The following NUMB variants were observed in gnomAD, a reference collection of about 807,000 sequenced individuals.
The protein encoded by NUMB is NUMB endocytic adaptor protein, also known as protein numb homolog.
A neutral mutation model predicts 59.7 loss-of-function variants in NUMB; 29 were observed. The ratio of observed to expected loss-of-function variants is 0.49; its 90% confidence interval spans 0.36 to 0.66. The LOEUF is 0.66. Among genes scored for constraint, NUMB ranks in the 30% least tolerant of loss-of-function variants. The pLI, the probability that NUMB is intolerant of heterozygous loss-of-function variation, is 0.00. For synonymous variants in NUMB, 288 were observed against 288.2 expected, an observed-to-expected ratio of 1.00 and a Z score of 0.01; for missense variants, 723 against 822.0, an observed-to-expected ratio of 0.88 and a Z score of 1.47.
chr14:73,288,865 A>T (rs1594865951), intron 8 of NUMB, among the ~76,000 whole-genome samples: 1 of 152,002 alleles, frequency 6.6e-6, no homozygotes, highest in Non-Finnish European at 1.5e-5. Context: ...GTCTCAAAAA[A>T]AATAATAATT....
At chr14:73,356,305 G>T (rs1893777232) in intron 3 of NUMB, among the ~76,000 whole-genome samples, 1 of 152,196 alleles carries the variant, frequency 6.6e-6, no homozygotes, top group East Asian at 1.9e-4. Context: ...TTACAATCAT[G>T]TTCTTATAAA....
At chr14:73,320,000 C>T (rs1594900912) in intron 5 of NUMB, among the ~76,000 whole-genome samples, 1 of 151,906 alleles carries the variant, frequency 6.6e-6, no homozygotes, top group East Asian at 1.9e-4. Context: ...GGTGTGGTGG[C>T]GGGCACCTGT....
chr14:73,349,835 C>T (rs926929810), intron 4 of NUMB, among the ~76,000 whole-genome samples: 24 of 151,368 alleles, frequency 1.6e-4, no homozygotes, highest in Non-Finnish European at 2.8e-4. Context: ...GCCAAGATCG[C>T]GCCACTGCAC....
At chr14:73,313,568 T>C (rs916622506) in intron 6 of NUMB, among the ~76,000 whole-genome samples, 1 of 149,900 alleles carries the variant, frequency 6.7e-6, no homozygotes, top group African/African-American at 2.4e-5. Flanking sequence ...CTTCAGGCTA[T>C]ATGTATAAGG....
chr14:73,451,743 TTAAA>T lies in NUMB; in HGVS notation c.-233+6746_-233+6749del, dbSNP rs959891914. On this transcript the variant is annotated intron_variant, in intron 1 of 12. Transcript: ENST00000555238. ...AAGTCAAAGGTAACCAAGGCCAATC[TTAAA>T]TAAAGTTACAAATTTAGCTGATTTC... Among the ~76,000 whole-genome samples the T allele has an allele frequency of 5.3e-5, 8 of 152,346 alleles. No individual in the cohort carries two copies. The East Asian group carries it at 1.2e-3, about 22-fold the overall frequency.
chr14:73,373,632 G>C (rs1894808665), intron 2 of NUMB, among the ~76,000 whole-genome samples: 1 of 151,798 alleles, frequency 6.6e-6, no homozygotes, highest in Non-Finnish European at 1.5e-5. Flanking sequence ...TTTAGAAATA[G>C]GGTCAGGAAG....
At chr14:73,297,462 G>GA in intron 6 of NUMB, 177 bp from the exon 7 acceptor site, 4 of 472,818 alleles carry the variant, frequency 8.5e-6, no homozygotes, top group Middle Eastern at 5.2e-4. Context: ...AAACATTCAG[G>GA]AAAAAACAAG....
intron 2 of NUMB, among the ~76,000 whole-genome samples, chr14:73,407,999 G>A (rs1184363455): frequency 6.6e-6 from 1 of 152,068 alleles, no homozygotes; most frequent in African/African-American, 2.4e-5. Context: ...AGGCCGAGGC[G>A]GGCAGATCAC....
rs1895313194 is a variant in NUMB, at chr14:73,382,824, CA to C, written c.-100-15844del. Among the ~76,000 whole-genome samples, 3 of 152,018 alleles carry C rather than the reference CA, an allele frequency of 2.0e-5. No individual in the cohort carries two copies. In the South Asian group the frequency reaches 6.2e-4, roughly 32 times the overall value. Reference sequence around the variant, plus strand: ...GAGACAGAACCAAATGACTGAAAATCAAGAGAAAAAAAGAAGACAATAGGAA... The same window carrying C: ...GAGACAGAACCAAATGACTGAAAATCAGAGAAAAAAAGAAGACAATAGGAA... On this transcript the variant is annotated intron_variant, in intron 2 of 12. Transcript: ENST00000555238.
intron 1 of NUMB, among the ~76,000 whole-genome samples, chr14:73,446,333 C>T (rs983348499): frequency 1.1e-4 from 17 of 152,012 alleles, no homozygotes; most frequent in African/African-American, 3.6e-4. Flanking sequence ...CTAAACTGGG[C>T]GCGGTGGCTC....
intron 11 of NUMB, among the ~76,000 whole-genome samples, chr14:73,281,825 T>TGGGCTGGATAATCCTTTGTTGTG (rs1260064476): frequency 3.7e-4 from 57 of 152,224 alleles, no homozygotes; most frequent in African/African-American, 1.3e-3. Context: ...ACTGACATTT[T>TGGGCTGGATAATCCTTTGTTGTG]GGGCTGGATA....
Position 73,444,687 on chromosome 14 carries a change from T to C in NUMB, c.-233+13806A>G, listed in dbSNP as rs374154024. The stretch of plus-strand genomic sequence containing the variant: ...TTCCTGGCCAACATGGTGAAACCCA[T>C]CTCTACTGAAAATACAAAAATTAGC... On this transcript the variant is annotated intron_variant, in intron 1 of 12. Coordinates refer to ENST00000555238, the MANE Select transcript of NUMB (RefSeq NM_001005743.2). Among the ~76,000 whole-genome samples the C allele has an allele frequency of 2.6e-4, 39 of 151,852 alleles. 1 individual carries two copies. Among genetic ancestry groups the C allele is most frequent in the African/African-American group, 9.4e-4 (39 of 41,438 alleles).
chr14:73,435,816 G>A (rs1898029632), intron 1 of NUMB, among the ~76,000 whole-genome samples: 1 of 151,852 alleles, frequency 6.6e-6, no homozygotes, highest in Non-Finnish European at 1.5e-5. Context: ...AGACTAGCCT[G>A]ACCAACATGG....
At chr14:73,438,630 C>CAAAAA (rs35633693) in intron 1 of NUMB, among the ~76,000 whole-genome samples, 1 of 66,692 alleles carries the variant, frequency 1.5e-5, no homozygotes, top group Non-Finnish European at 2.8e-5. Flanking sequence ...GACTCTGCCT[C>CAAAAA]AAAAAAAAAA....
At chr14:73,328,410 T>G (rs1252418173) in intron 4 of NUMB, among the ~76,000 whole-genome samples, 1 of 152,170 alleles carries the variant, frequency 6.6e-6, no homozygotes, top group Non-Finnish European at 1.5e-5. Flanking sequence ...TTTCCGGTTT[T>G]GGTGATAATA....
intron 2 of NUMB, among the ~76,000 whole-genome samples, chr14:73,391,996 C>T (rs1469362395): frequency 6.6e-6 from 1 of 152,132 alleles, no homozygotes; most frequent in Non-Finnish European, 1.5e-5. Context: ...CTAAATCACC[C>T]AAGCCAGTCC....
At chr14:73,402,417 A>G (rs936600834) in intron 2 of NUMB, among the ~76,000 whole-genome samples, 2 of 152,180 alleles carry the variant, frequency 1.3e-5, no homozygotes, top group African/African-American at 4.8e-5. Flanking sequence ...CTGTAGATAT[A>G]TCTAATCTAA....
chr14:73,347,324 A>G (rs1892968189), intron 4 of NUMB, among the ~76,000 whole-genome samples: 1 of 152,200 alleles, frequency 6.6e-6, no homozygotes, highest in African/African-American at 2.4e-5. Context: ...GAAACTGTAC[A>G]TATTTAAACT....
chr14:73,279,882 T>C (rs177379), intron 11 of NUMB, among the ~76,000 whole-genome samples: 122,398 of 152,218 alleles, frequency 0.8, 49,775 homozygotes, highest in African/African-American at 0.93. Flanking sequence ...ATAGGCCAGG[T>C]GTGGTGGCTC....
Sources: gnomAD v4.1 joint callset for allele counts (sites outside exome capture counted in the v4.1 genomes callset) on GRCh38, gnomAD v4.1.1 for gene constraint, MANE v1.5 for transcripts, NCBI Gene and HGNC (gene_info 2026-07-23, HGNC 2026-07-21) for gene names.